Variants in SYCP1 observed in about 807,000 individuals in gnomAD.
SYCP1 encodes synaptonemal complex protein 1.
A neutral mutation model predicts 153.1 loss-of-function variants in SYCP1; 64 were observed. The observed-to-expected ratio is 0.42, with a 90% CI of 0.34 to 0.51. SYCP1 has a LOEUF of 0.51. Ranked by LOEUF, SYCP1 falls within the 20% of genes least tolerant of loss-of-function variation. The pLI is 0.06. For missense variants in SYCP1, 997 were observed against 1,049.0 expected (o/e 0.95, Z 0.68); for synonymous variants, 384 against 341.8 (o/e 1.12, Z -1.36).
At chr1:114,963,391 A>G (rs1483004642) in intron 27 of SYCP1, among the ~76,000 whole-genome samples, 2 of 152,160 alleles carry the variant, frequency 1.3e-5, no homozygotes, top group East Asian at 1.9e-4. Context: ...CTTTTTTATT[A>G]TACTTTAAAT....
At chr1:114,986,329 A>C (rs1003211887) in intron 30 of SYCP1, among the ~76,000 whole-genome samples, 1 of 152,052 alleles carries the variant, frequency 6.6e-6, no homozygotes, top group Non-Finnish European at 1.5e-5. Context: ...TAGTCCAGAT[A>C]TATAAAAATG....
chr1:114,945,100 GTGA>G, intron 25 of SYCP1, 118 bp downstream of exon 25: 1 of 729,576 alleles, frequency 1.4e-6, no homozygotes, highest in Non-Finnish European at 2.2e-6. Context: ...CTATGCAACA[GTGA>G]CTGTCTATAG....
At chr1:114,868,864 A>T (rs1465318901) in intron 8 of SYCP1, among the ~76,000 whole-genome samples, 2 of 152,276 alleles carry the variant, frequency 1.3e-5, no homozygotes, top group South Asian at 4.1e-4. Flanking sequence ...CTTCATTTTA[A>T]CATCCATGAG....
At chr1:114,940,461 G>A (rs1423750540) in intron 23 of SYCP1, among the ~76,000 whole-genome samples, 1 of 152,104 alleles carries the variant, frequency 6.6e-6, no homozygotes, top group African/African-American at 2.4e-5. Context: ...TTTCAATGCT[G>A]TAAATTTCCC....
intron 23 of SYCP1, among the ~76,000 whole-genome samples, chr1:114,930,248 T>A (rs1241951018): frequency 2.0e-5 from 3 of 151,968 alleles, no homozygotes; most frequent in African/African-American, 7.2e-5. Context: ...GAAGAAGTGA[T>A]CTAGGTTTTT....
At chr1:114,911,099 G>A (rs1468079648) in intron 17 of SYCP1, among the ~76,000 whole-genome samples, 4 of 151,612 alleles carry the variant, frequency 2.6e-5, no homozygotes, top group Non-Finnish European at 1.5e-5. Context: ...GAACATTATA[G>A]TTCTTATTAT....
Position 114,856,672 on chromosome 1 carries a change from A to G in SYCP1, c.193+15A>G, listed in dbSNP as rs376095898. 194 of 1,588,546 alleles carry G rather than the reference A, an allele frequency of 1.2e-4. No homozygotes were observed. The highest frequency in any genetic ancestry group is 1.6e-4 in the Non-Finnish European group (183 of 1,162,152). ...CATTGATTCAGGTAGGAGCATGGAA[A>G]AGCAGTGTATCAGCTTATATAGAAA... On this transcript the variant is annotated intron_variant, in intron 3 of 31. Transcript: ENST00000369522.
At chr1:114,991,610 T>C (rs750345672) in intron 30 of SYCP1, among the ~76,000 whole-genome samples, 1 of 151,816 alleles carries the variant, frequency 6.6e-6, no homozygotes, top group African/African-American at 2.4e-5. Context: ...ACATGCTTCA[T>C]GGTAGAAAAC....
Position 114,926,512 on chromosome 1 carries a change from G to GAA in SYCP1, c.1883_1884dup (p.Gly629LysfsTer9). Reference sequence around the variant, plus strand: ...TTTAATTTTAACAGAATAAGGCCTTGAAAAAAAAAGGTACAGCAGAAAGCA... The same window carrying GAA: ...TTTAATTTTAACAGAATAAGGCCTTGAAAAAAAAAAAGGTACAGCAGAAAGCA... On this transcript the variant is annotated frameshift_variant, in exon 23 of 32. Coordinates refer to ENST00000369522, the MANE Select transcript of SYCP1 (RefSeq NM_003176.4). LOFTEE classifies it high-confidence loss of function. The GAA allele has an allele frequency of 1.3e-6, 2 of 1,562,146 alleles. No homozygotes were observed. Among genetic ancestry groups the GAA allele is most frequent in the South Asian group, 1.2e-5 (1 of 83,788 alleles).
chr1:114,919,948 A>G (rs360582), intron 20 of SYCP1, among the ~76,000 whole-genome samples: 58,505 of 151,662 alleles, frequency 0.39, 12,484 homozygotes, highest in East Asian at 0.5. Flanking sequence ...CAAAAAACCA[A>G]CTTTTTGTTT....
chr1:114,923,539 T>C lies in SYCP1; in HGVS notation c.1800+9T>C. The C allele has an allele frequency of 1.3e-6, 2 of 1,566,074 alleles. No homozygotes were observed. The highest frequency in any genetic ancestry group is 1.7e-6 in the Non-Finnish European group (2 of 1,153,298). On this transcript the variant is annotated intron_variant, in intron 21 of 31. Coordinates refer to ENST00000369522, the MANE Select transcript of SYCP1 (RefSeq NM_003176.4). ...ACAAGAGTGAAGAAAATGTATGTTA[T>C]ATTTAATAATGGATCGTATCACAAA...
chr1:114,879,005 G>A (rs1284483545), intron 12 of SYCP1, among the ~76,000 whole-genome samples: 4 of 152,084 alleles, frequency 2.6e-5, no homozygotes, highest in Non-Finnish European at 5.9e-5. Flanking sequence ...TGGAATAAAC[G>A]GCTTGTGCAA....
chr1:114,904,657 C>A (rs1667702350), intron 16 of SYCP1, among the ~76,000 whole-genome samples: 2 of 152,292 alleles, frequency 1.3e-5, no homozygotes, highest in South Asian at 4.1e-4. Flanking sequence ...CTAAGTATTT[C>A]TCTTTTTGCA....
chr1:114,864,635 C>T (rs547818262), intron 8 of SYCP1, among the ~76,000 whole-genome samples: 1 of 152,072 alleles, frequency 6.6e-6, no homozygotes, highest in East Asian at 1.9e-4. Context: ...ACTACAGCTG[C>T]ACACCACCAG....
chr1:114,905,973 C>CT (rs1231936158), intron 16 of SYCP1, among the ~76,000 whole-genome samples: 13 of 150,458 alleles, frequency 8.6e-5, no homozygotes, highest in East Asian at 7.8e-4. Flanking sequence ...TTTTTTGTCT[C>CT]TTTTTTTTTG....
At chr1:114,885,821 C>A (rs1049929036) in intron 13 of SYCP1, among the ~76,000 whole-genome samples, 192 bp downstream of exon 13, 1 of 152,074 alleles carries the variant, frequency 6.6e-6, no homozygotes, top group African/African-American at 2.4e-5. Context: ...AATTAAAATA[C>A]AAGACCCTGG....
At chr1:114,946,766 G>T (rs72695820) in intron 26 of SYCP1, among the ~76,000 whole-genome samples, 9,259 of 152,106 alleles carry the variant, frequency 0.061, 322 homozygotes, top group Middle Eastern at 0.14. Flanking sequence ...TTGAGTTGGA[G>T]TCTTTCTGTG....
intron 20 of SYCP1, among the ~76,000 whole-genome samples, chr1:114,914,278 A>G (rs1413860594): frequency 1.3e-5 from 2 of 151,898 alleles, no homozygotes; most frequent in Non-Finnish European, 2.9e-5. Flanking sequence ...AGCATCATAA[A>G]CCTTCTAATT....
At chr1:114,967,518 G>C (rs1485169879) in intron 27 of SYCP1, among the ~76,000 whole-genome samples, 1 of 151,934 alleles carries the variant, frequency 6.6e-6, no homozygotes, top group Non-Finnish European at 1.5e-5. Flanking sequence ...TTGTTTGTTT[G>C]CTTTCCATTT....
Sources: allele counts gnomAD v4.1 joint callset (sites outside exome capture counted in the v4.1 genomes callset), GRCh38; gene constraint gnomAD v4.1.1; transcripts MANE v1.5; gene names NCBI Gene and HGNC (gene_info 2026-07-23, HGNC 2026-07-21).